Variants in GADL1 observed in about 807,000 individuals in gnomAD.
GADL1 encodes acidic amino acid decarboxylase GADL1.
In GADL1, 71 loss-of-function variants were observed where a neutral mutation model predicts 69.5. The ratio of observed to expected loss-of-function variants is 1.02; its 90% confidence interval spans 0.84 to 1.25. The LOEUF (loss-of-function observed/expected upper bound fraction) is 1.25, where lower values mean the gene tolerates loss of function less well. Ranked by LOEUF, GADL1 falls within the 50% of genes most tolerant of loss-of-function variation. GADL1 has a pLI of 0.00. For missense variants in GADL1, 737 were observed against 631.8 expected (o/e 1.17, Z -1.79); for synonymous variants, 254 against 214.4 (o/e 1.18, Z -1.62).
At chr3:30,821,073 GAC>G (rs1042101709) in intron 11 of GADL1, among the ~76,000 whole-genome samples, 1 of 151,964 alleles carries the variant, frequency 6.6e-6, no homozygotes, top group Non-Finnish European at 1.5e-5. Flanking sequence ...TTATCGTAAA[GAC>G]AAAAAACCAA....
Position 30,837,637 on chromosome 3 carries a change from A to G in GADL1, c.903+1360T>C, listed in dbSNP as rs144393045. Among the ~76,000 whole-genome samples the G allele has an allele frequency of 5.3e-3, 812 of 152,238 alleles. 20 individuals carry two copies. The highest frequency in any genetic ancestry group is 0.041 in the Admixed American group (619 of 15,278). ...AACTATTTACTTTTCTCCATTTTAT[A>G]CAAACTACATAAACTATATAATCCA... On this transcript the variant is annotated intron_variant, in intron 9 of 14. Coordinates refer to ENST00000282538, the MANE Select transcript of GADL1 (RefSeq NM_207359.3).
At chr3:30,803,364 CT>C (rs1436320555) in intron 11 of GADL1, among the ~76,000 whole-genome samples, 3 of 152,098 alleles carry the variant, frequency 2.0e-5, no homozygotes, top group African/African-American at 7.2e-5. Context: ...ACTGCATGTA[CT>C]TTAAGGACAA....
At chr3:30,776,133 C>T (rs1443179115) in intron 14 of GADL1, among the ~76,000 whole-genome samples, 1 of 152,122 alleles carries the variant, frequency 6.6e-6, no homozygotes, top group Admixed American at 6.5e-5. Context: ...CTTATATATC[C>T]ATACTCAATT....
chr3:30,891,004 G>A lies in GADL1; in HGVS notation c.37+3574C>T, dbSNP rs146960921. On this transcript the variant is annotated intron_variant, in intron 1 of 14. Transcript: ENST00000282538. Reference sequence around the variant, plus strand: ...GTATCCAGAGACCCAATCTGAACAGGCTGTCGGCTAGAGTATTTACTTTGC... The same window carrying A: ...GTATCCAGAGACCCAATCTGAACAGACTGTCGGCTAGAGTATTTACTTTGC... Among the ~76,000 whole-genome samples, 3 of 151,302 alleles carry A rather than the reference G, an allele frequency of 2.0e-5. No homozygotes were observed. The East Asian group carries it at 5.9e-4, about 30-fold the overall frequency.
chr3:30,742,234 C>T (rs939280985), intron 14 of GADL1, among the ~76,000 whole-genome samples: 10 of 151,542 alleles, frequency 6.6e-5, no homozygotes, highest in Admixed American at 1.3e-4. Context: ...AATGCTCCTA[C>T]ATTTGGAGTG....
intron 14 of GADL1, among the ~76,000 whole-genome samples, chr3:30,756,610 G>A (rs1484809968): frequency 2.6e-5 from 4 of 152,174 alleles, no homozygotes; most frequent in Non-Finnish European, 5.9e-5. Flanking sequence ...AAGGCCTCAA[G>A]GTAACTTCCT....
chr3:30,838,578 T>C (rs1261214566), intron 9 of GADL1, among the ~76,000 whole-genome samples: 4 of 152,146 alleles, frequency 2.6e-5, no homozygotes, highest in Non-Finnish European at 4.4e-5. Flanking sequence ...AAAGATACCT[T>C]ACAGCCCACA....
chr3:30,820,040 CAA>C (rs1697544455), intron 11 of GADL1, among the ~76,000 whole-genome samples: 1 of 151,764 alleles, frequency 6.6e-6, no homozygotes, highest in African/African-American at 2.4e-5. Context: ...AAACTGCACT[CAA>C]AATACTATCC....
intron 13 of GADL1, among the ~76,000 whole-genome samples, chr3:30,780,288 C>T (rs935060110): frequency 2.0e-5 from 3 of 152,150 alleles, no homozygotes; most frequent in African/African-American, 7.2e-5. Context: ...GTGAGTACCA[C>T]CAATGTAACA....
At chr3:30,754,270 AAGG>A (rs1172866892) in intron 14 of GADL1, among the ~76,000 whole-genome samples, 3 of 152,154 alleles carry the variant, frequency 2.0e-5, no homozygotes, top group Non-Finnish European at 2.9e-5. Flanking sequence ...AAGATGTGTA[AAGG>A]AGAACCACAT....
chr3:30,821,185 G>A (rs1697572198), intron 11 of GADL1, among the ~76,000 whole-genome samples: 1 of 152,000 alleles, frequency 6.6e-6, no homozygotes, highest in South Asian at 2.1e-4. Context: ...GTGTGGGGAG[G>A]CGGGGAGAGA....
chr3:30,864,398 G>A (rs1698365781), intron 1 of GADL1, among the ~76,000 whole-genome samples: 1 of 151,086 alleles, frequency 6.6e-6, no homozygotes, highest in Admixed American at 6.6e-5. Flanking sequence ...ACACACACAC[G>A]ATAAAATAAA....
chr3:30,801,857 C>T lies in GADL1; in HGVS notation c.1051-769G>A, dbSNP rs73826112. Among the ~76,000 whole-genome samples, 701 of 152,214 alleles carry T rather than the reference C, an allele frequency of 4.6e-3. 2 individuals carry two copies. Among genetic ancestry groups the T allele is most frequent in the African/African-American group, 0.016 (668 of 41,536 alleles). On this transcript the variant is annotated intron_variant, in intron 11 of 14. Transcript: ENST00000282538. The stretch of plus-strand genomic sequence containing the variant: ...AGATTTCCTAATCAATCATTTACAG[C>T]CCTGACAACTCCCCCAAAATATTTT...
At chr3:30,799,127 A>G (rs1229204749) in intron 12 of GADL1, 1 of 152,274 alleles carries the variant, frequency 6.6e-6, no homozygotes, top group Admixed American at 6.5e-5. Flanking sequence ...TAGCTCCACT[A>G]GGCAGTGCCC....
intron 1 of GADL1, among the ~76,000 whole-genome samples, chr3:30,876,823 T>C (rs1475782529): frequency 6.6e-6 from 1 of 151,976 alleles, no homozygotes; most frequent in Non-Finnish European, 1.5e-5. Flanking sequence ...AACACTAATG[T>C]CTGTCTTCTT....
chr3:30,758,308 CCCT>C (rs1183555457), intron 14 of GADL1, among the ~76,000 whole-genome samples: 2 of 152,202 alleles, frequency 1.3e-5, no homozygotes, highest in Non-Finnish European at 2.9e-5. Context: ...CTGAAAGAGC[CCCT>C]CCTTAGCTGA....
chr3:30,883,419 G>A (rs1256687086), intron 1 of GADL1, among the ~76,000 whole-genome samples: 1 of 151,890 alleles, frequency 6.6e-6, no homozygotes, highest in Non-Finnish European at 1.5e-5. Context: ...TTTCTCCATA[G>A]AGTGGTCTTC....
intron 11 of GADL1, among the ~76,000 whole-genome samples, chr3:30,827,689 AAAG>A (rs1697705489): frequency 6.6e-6 from 1 of 151,876 alleles, no homozygotes; most frequent in African/African-American, 2.4e-5. Flanking sequence ...AGCTTTGTGG[AAAG>A]AAAATTACCC....
chr3:30,795,075 G>A (rs977569263), intron 12 of GADL1, among the ~76,000 whole-genome samples: 5 of 152,086 alleles, frequency 3.3e-5, no homozygotes, highest in Non-Finnish European at 5.9e-5. Flanking sequence ...CAATCATCAC[G>A]TGCAGCTTTA....
Sources: allele counts gnomAD v4.1 joint callset (sites outside exome capture counted in the v4.1 genomes callset), GRCh38; gene constraint gnomAD v4.1.1; transcripts MANE v1.5; gene names NCBI Gene and HGNC (gene_info 2026-07-23, HGNC 2026-07-21).